The following ATP8A2 variants were observed in gnomAD, a reference collection of about 807,000 sequenced individuals.
The protein encoded by ATP8A2 is phospholipid-transporting ATPase IB.
A neutral mutation model predicts 165.6 loss-of-function variants in ATP8A2; 100 were observed. That is an observed-to-expected ratio of 0.60 (90% CI 0.51 to 0.71). The LOEUF (loss-of-function observed/expected upper bound fraction) is 0.71, where lower values mean the gene tolerates loss of function less well. Among genes scored for constraint, ATP8A2 ranks in the 30% least tolerant of loss-of-function variants. The pLI, the probability that ATP8A2 is intolerant of heterozygous loss-of-function variation, is 0.00. For synonymous variants in ATP8A2, 543 were observed against 548.8 expected (o/e 0.99, Z 0.15); for missense variants, 1,227 against 1,479.5 (o/e 0.83, Z 2.80).
At chr13:25,961,888 G>A (rs1368728617) in intron 34 of ATP8A2, among the ~76,000 whole-genome samples, 1 of 152,184 alleles carries the variant, frequency 6.6e-6, no homozygotes, top group Non-Finnish European at 1.5e-5. Context: ...GCTGGGCATG[G>A]CAGCGCATAG....
chr13:25,675,356 A>G (rs2042350627), intron 24 of ATP8A2, among the ~76,000 whole-genome samples: 1 of 152,228 alleles, frequency 6.6e-6, no homozygotes, highest in Admixed American at 6.5e-5. Flanking sequence ...TCCAGAGGGC[A>G]TCCTGTGTTT....
intron 2 of ATP8A2, among the ~76,000 whole-genome samples, chr13:25,486,551 G>C (rs75585116): frequency 6.6e-6 from 1 of 152,298 alleles, no homozygotes; most frequent in Admixed American, 6.5e-5. Flanking sequence ...AATGAAGAGA[G>C]TCTGAATATG....
intron 1 of ATP8A2, among the ~76,000 whole-genome samples, chr13:25,383,386 T>G (rs2032926161): frequency 6.6e-6 from 1 of 152,190 alleles, no homozygotes; most frequent in Admixed American, 6.5e-5. Flanking sequence ...TACAGGCGTG[T>G]GCCTTTTGTC....
At chr13:25,748,215 T>C (rs1566101041) in intron 25 of ATP8A2, among the ~76,000 whole-genome samples, 1 of 152,242 alleles carries the variant, frequency 6.6e-6, no homozygotes, top group African/African-American at 2.4e-5. Context: ...AGAAAAATTA[T>C]TTTTCGATGA....
chr13:25,591,436 T>C (rs764135438), intron 24 of ATP8A2: 24 of 450,670 alleles, frequency 5.3e-5, no homozygotes, highest in Admixed American at 2.4e-4. Context: ...GCTCATTTCA[T>C]GTAACATAAT....
intron 15 of ATP8A2, among the ~76,000 whole-genome samples, chr13:25,561,269 C>T (rs1191873809): frequency 6.6e-6 from 1 of 152,148 alleles, no homozygotes; most frequent in African/African-American, 2.4e-5. Flanking sequence ...TTTTCCTCCT[C>T]TCCAGCTTCC....
intron 35 of ATP8A2, among the ~76,000 whole-genome samples, chr13:26,010,909 G>T (rs1282551296): frequency 6.6e-6 from 1 of 152,178 alleles, no homozygotes; most frequent in Non-Finnish European, 1.5e-5. Flanking sequence ...ACTCAGAAAT[G>T]CCCTCTCCTG....
At chr13:25,807,688 G>A (rs1234845969) in intron 27 of ATP8A2, among the ~76,000 whole-genome samples, 1 of 152,160 alleles carries the variant, frequency 6.6e-6, no homozygotes, top group Non-Finnish European at 1.5e-5. Flanking sequence ...ATGTTTTGCT[G>A]TATTTCCCTT....
rs5802338 is a variant in ATP8A2, at chr13:25,536,278, A to AT, written c.508-1693dup. Among the ~76,000 whole-genome samples, 356 of 141,854 alleles carry AT rather than the reference A, an allele frequency of 2.5e-3. 1 individual carries two copies. The highest frequency in any genetic ancestry group is 6.7e-3 in the African/African-American group (257 of 38,466). The allele number at this position is 141,854 out of a possible 152,430, so 93.1% of individuals were successfully genotyped here. On this transcript the variant is annotated intron_variant, in intron 6 of 36. Transcript: ENST00000381655. ...AGGTGCCCACCACCATGCCCGGTTAATTTTTTTTTTTTTTTTTAGTGAGAT... is the reference window on the plus strand; with the variant it reads ...AGGTGCCCACCACCATGCCCGGTTAATTTTTTTTTTTTTTTTTTAGTGAGAT...
intron 1 of ATP8A2, among the ~76,000 whole-genome samples, chr13:25,425,625 A>G (rs1376221272): frequency 1.3e-5 from 2 of 150,634 alleles, no homozygotes; most frequent in Admixed American, 1.3e-4. Context: ...CCCAGGCTGG[A>G]GTGCAATGGC....
intron 24 of ATP8A2, among the ~76,000 whole-genome samples, chr13:25,605,906 G>A (rs2040504647): frequency 6.6e-6 from 1 of 152,250 alleles, no homozygotes; most frequent in Admixed American, 6.5e-5. Context: ...AGAGAAATAT[G>A]CCTTCTTGAG....
chr13:25,837,423 CCACACACACACACACA>C lies in ATP8A2; in HGVS notation c.2877+170_2877+185del, dbSNP rs72194516. ...AAAACATGATCCACTCACCCCACCA[CCACACACACACACACA>C]CACACACACACACACACACACACAC... On this transcript the variant is annotated intron_variant, in intron 29 of 36. Transcript: ENST00000381655. 757 of 311,586 alleles carry C rather than the reference CCACACACACACACACA, an allele frequency of 2.4e-3. 7 individuals carry two copies. The highest frequency in any genetic ancestry group is 0.015 in the African/African-American group (636 of 41,586). The allele number at this position is 311,586 out of a possible 1,614,324, so 19.3% of individuals were successfully genotyped here.
intron 25 of ATP8A2, among the ~76,000 whole-genome samples, chr13:25,757,177 C>T (rs1456685111): frequency 3.9e-5 from 6 of 152,208 alleles, no homozygotes; most frequent in Non-Finnish European, 8.8e-5. Flanking sequence ...AAGGCTTTTC[C>T]TCACATGTTG....
chr13:25,744,167 T>C (rs1288627861), intron 25 of ATP8A2, among the ~76,000 whole-genome samples: 1 of 152,236 alleles, frequency 6.6e-6, no homozygotes, highest in Non-Finnish European at 1.5e-5. Context: ...ATTGCCCGAT[T>C]CTTTTTCATT....
intron 33 of ATP8A2, among the ~76,000 whole-genome samples, chr13:25,934,213 G>C (rs992363377): frequency 1.3e-5 from 2 of 152,178 alleles, no homozygotes; most frequent in Non-Finnish European, 2.9e-5. Context: ...AGCCTGTATA[G>C]GATTTCTAGT....
At chr13:25,866,192 T>A (rs1000634890) in intron 33 of ATP8A2, among the ~76,000 whole-genome samples, 5 of 152,202 alleles carry the variant, frequency 3.3e-5, no homozygotes, top group African/African-American at 4.8e-5. Context: ...TTACTTGACC[T>A]CTGTTCAAAA....
In ATP8A2 at chr13:26,025,074, T is replaced by G. The variant is rs934983712; in HGVS notation, c.*5089T>G. On this transcript the variant is annotated 3_prime_UTR_variant, in exon 37 of 37. Coordinates refer to ENST00000381655, the MANE Select transcript of ATP8A2 (RefSeq NM_016529.6). ...TCTGTTGTATTCTTAAGAGATAGCC[T>G]GATATGTGGTTTATAGGTGAATCAA... The G allele has an allele frequency of 9.6e-5, 13 of 134,842 alleles. No homozygotes were observed. The Admixed American group carries it at 1.0e-3, about 11-fold the overall frequency. 8.4% of individuals were successfully genotyped at this position (134,842 alleles called of 1,614,324 possible).
chr13:25,431,424 C>T (rs540983808), intron 1 of ATP8A2, among the ~76,000 whole-genome samples: 4 of 152,196 alleles, frequency 2.6e-5, no homozygotes, highest in East Asian at 1.9e-4. Context: ...GCTGGGATTA[C>T]AGGCGTGAGC....
intron 33 of ATP8A2, among the ~76,000 whole-genome samples, chr13:25,924,747 C>G (rs1954551279): frequency 6.6e-6 from 1 of 152,066 alleles, no homozygotes; most frequent in Admixed American, 6.5e-5. Context: ...TCCCATAATC[C>G]CCATGTGTCA....
Sources: gnomAD v4.1 joint callset for allele counts (sites outside exome capture counted in the v4.1 genomes callset) on GRCh38, gnomAD v4.1.1 for gene constraint, MANE v1.5 for transcripts, NCBI Gene and HGNC (gene_info 2026-07-23, HGNC 2026-07-21) for gene names.